GPR89B: variants seen among roughly 807,000 people sequenced by gnomAD.
The protein encoded by GPR89B is golgi pH regulator B.
A neutral mutation model predicts 52.4 loss-of-function variants in GPR89B; 25 were observed. The observed-to-expected ratio is 0.48, with a 90% CI of 0.35 to 0.67. The LOEUF is 0.67. Ranked by LOEUF, GPR89B falls within the 30% of genes least tolerant of loss-of-function variation. The pLI is 0.01. For synonymous variants in GPR89B, 52 were observed against 151.2 expected (o/e 0.34, Z 4.81); for missense variants, 146 against 450.2 (o/e 0.32, Z 6.11).
chr1:147,999,528 G>T, the GPR89B span, among the ~76,000 whole-genome samples: 1 of 147,564 alleles, frequency 6.8e-6, no homozygotes, highest in African/African-American at 2.6e-5. Context: ...GAACCCGGGA[G>T]GTGGAGATTG....
At chr1:147,951,559 G>A (rs1167023194) in intron 5 of GPR89B, among the ~76,000 whole-genome samples, 2 of 151,876 alleles carry the variant, frequency 1.3e-5, no homozygotes. Flanking sequence ...TCTTAGAAAA[G>A]AGAATTGAAA....
intron 3 of GPR89B, among the ~76,000 whole-genome samples, 165 bp from the exon 4 acceptor site, chr1:147,943,273 T>A (rs1398396827): frequency 6.6e-6 from 1 of 152,114 alleles, no homozygotes; most frequent in African/African-American, 2.4e-5. Context: ...AAATTTGTAT[T>A]TTTTAATCTC....
At chr1:147,957,773 T>G (rs1441731436) in intron 7 of GPR89B, among the ~76,000 whole-genome samples, 3 of 151,934 alleles carry the variant, frequency 2.0e-5, no homozygotes, top group Non-Finnish European at 4.4e-5. Flanking sequence ...GAGATAACAT[T>G]AGACATAAAG....
chr1:148,021,849 C>G, the GPR89B span: 3 of 148,050 alleles, frequency 2.0e-5, no homozygotes, highest in Non-Finnish European at 3.0e-5. Flanking sequence ...GAGGAGGACA[C>G]TCTGAAGAGG....
intron 7 of GPR89B, among the ~76,000 whole-genome samples, chr1:147,965,653 G>A (rs1656974818): frequency 6.6e-6 from 1 of 151,988 alleles, no homozygotes; most frequent in Non-Finnish European, 1.5e-5. Context: ...TTATTCACCT[G>A]TAGGACAGAT....
At chr1:147,961,934 A>G (rs1352312189) in intron 7 of GPR89B, among the ~76,000 whole-genome samples, 2 of 151,986 alleles carry the variant, frequency 1.3e-5, no homozygotes, top group Admixed American at 1.3e-4. Flanking sequence ...AGCAAGATTT[A>G]TTTGTAGATA....
chr1:147,976,299 AG>A (rs1175135281), intron 10 of GPR89B, among the ~76,000 whole-genome samples: 1 of 149,820 alleles, frequency 6.7e-6, no homozygotes, highest in African/African-American at 2.5e-5. Context: ...GTCTCTTTGT[AG>A]GTCTCTAAGA....
intron 12 of GPR89B, among the ~76,000 whole-genome samples, chr1:147,989,442 T>C (rs1467572251): frequency 6.6e-6 from 1 of 150,630 alleles, no homozygotes; most frequent in African/African-American, 2.5e-5. Context: ...TTTTTTTTTT[T>C]AAATTATACT....
intron 5 of GPR89B, among the ~76,000 whole-genome samples, chr1:147,946,427 T>C (rs1654980696): frequency 6.6e-6 from 1 of 152,202 alleles, no homozygotes. Context: ...GATAGGAATT[T>C]AGGAAATGCT....
chr1:148,013,226 G>A, the GPR89B span, among the ~76,000 whole-genome samples: 1 of 152,086 alleles, frequency 6.6e-6, no homozygotes, highest in Non-Finnish European at 1.5e-5. Context: ...CACAGTAGAA[G>A]AGAGAGGAAG....
intron 1 of GPR89B, among the ~76,000 whole-genome samples, chr1:147,932,394 A>G (rs1407466079): frequency 2.0e-5 from 3 of 152,038 alleles, no homozygotes; most frequent in Admixed American, 6.6e-5. Flanking sequence ...TTTGTTTACT[A>G]CTAATACAGA....
the GPR89B span, among the ~76,000 whole-genome samples, chr1:148,015,414 A>T: frequency 6.8e-6 from 1 of 147,718 alleles, no homozygotes; most frequent in African/African-American, 2.6e-5. Context: ...TCCCTGGTTC[A>T]AGCGATTCTC....
At chr1:147,937,977 G>A (rs1371163998) in intron 2 of GPR89B, among the ~76,000 whole-genome samples, 2 of 152,204 alleles carry the variant, frequency 1.3e-5, no homozygotes, top group Admixed American at 1.3e-4. Flanking sequence ...TTCAGAGATT[G>A]CAGTAAAGAC....
At chr1:147,937,825 C>T (rs1654218150) in intron 2 of GPR89B, among the ~76,000 whole-genome samples, 1 of 152,140 alleles carries the variant, frequency 6.6e-6, no homozygotes, top group Non-Finnish European at 1.5e-5. Flanking sequence ...TTAACGCAAT[C>T]ATCACAGGGT....
At chr1:148,021,068 A>G in the GPR89B span, among the ~76,000 whole-genome samples, 1 of 151,804 alleles carries the variant, frequency 6.6e-6, no homozygotes, top group Non-Finnish European at 1.5e-5. Flanking sequence ...GTTTCTACGT[A>G]TTTGGCCCTA....
At chr1:147,929,375 C>A (rs1187265223) in intron 1 of GPR89B, among the ~76,000 whole-genome samples, 5 of 151,928 alleles carry the variant, frequency 3.3e-5, no homozygotes, top group Admixed American at 3.3e-4. Flanking sequence ...CATCATAGCA[C>A]TGGCATCATT....
chr1:148,021,492 A>G, the GPR89B span, among the ~76,000 whole-genome samples: 2 of 151,192 alleles, frequency 1.3e-5, no homozygotes, highest in Admixed American at 1.3e-4. Flanking sequence ...ACAGAGCGAG[A>G]CTCCCCGAAA....
At chr1:147,952,431 G>T (rs1423496132) in intron 5 of GPR89B, among the ~76,000 whole-genome samples, 2 of 151,674 alleles carry the variant, frequency 1.3e-5, no homozygotes, top group African/African-American at 2.4e-5. Context: ...ACCAGAGGTT[G>T]CACTGACCTC....
Position 147,928,509 on chromosome 1 carries a change from G to A in GPR89B, c.-28G>A. 1 of 1,613,808 alleles carries A rather than the reference G, an allele frequency of 6.2e-7. No individual in the cohort carries two copies. The highest frequency in any genetic ancestry group is 8.5e-7 in the Non-Finnish European group (1 of 1,179,728). On this transcript the variant is annotated 5_prime_UTR_variant, in exon 1 of 14. Coordinates refer to ENST00000314163, the MANE Select transcript of GPR89B (RefSeq NM_016334.5). The stretch of plus-strand genomic sequence containing the variant: ...CTGTGGCCTCCGGGAGTGGGAAGTG[G>A]AGGCAGGAGCCTTCCTTACACTTCG...
Sources: allele counts gnomAD v4.1 joint callset (sites outside exome capture counted in the v4.1 genomes callset), GRCh38; gene constraint gnomAD v4.1.1; transcripts MANE v1.5; gene names NCBI Gene and HGNC (gene_info 2026-07-23, HGNC 2026-07-21).